Variants in ALK observed in about 807,000 individuals in gnomAD.
The protein encoded by ALK is ALK tyrosine kinase receptor.
ALK carries 74 observed loss-of-function variants against 163.1 expected under a neutral mutation model. The observed-to-expected ratio is 0.45, with a 90% CI of 0.38 to 0.55. ALK has a LOEUF of 0.55. Ranked by LOEUF, ALK falls within the 20% of genes least tolerant of loss-of-function variation. The probability of loss-of-function intolerance (pLI) is 0.00; values close to 1 mark genes in which losing one functional copy is unlikely to be tolerated. For missense variants in ALK, 2,063 were observed against 2,105.3 expected (o/e 0.98, Z 0.39); for synonymous variants, 960 against 843.2 (o/e 1.14, Z -2.40).
intron 4 of ALK, among the ~76,000 whole-genome samples, chr2:29,421,627 C>A (rs115927117): frequency 0.012 from 1,840 of 151,528 alleles, 116 homozygotes; most frequent in African/African-American, 0.043. Flanking sequence ...CTCTGACTCC[C>A]TACTCCCACC....
intron 3 of ALK, among the ~76,000 whole-genome samples, chr2:29,566,126 C>T (rs1359194642): frequency 6.6e-6 from 1 of 152,148 alleles, no homozygotes; most frequent in Non-Finnish European, 1.5e-5. Context: ...CAGGGCCACC[C>T]ACCCAGGGTC....
chr2:29,332,184 A>G (rs1286643999), intron 5 of ALK, among the ~76,000 whole-genome samples: 1 of 148,366 alleles, frequency 6.7e-6, no homozygotes, highest in East Asian at 2.1e-4. Context: ...TACTTTGGAG[A>G]CTGAGGCAGG....
intron 3 of ALK, among the ~76,000 whole-genome samples, chr2:29,688,336 A>G (rs972079644): frequency 1.3e-5 from 2 of 152,224 alleles, no homozygotes; most frequent in African/African-American, 4.8e-5. Context: ...TTAGCAAACA[A>G]GGAAGTCTGA....
intron 1 of ALK, among the ~76,000 whole-genome samples, chr2:29,914,788 C>T (rs924372743): frequency 4.6e-5 from 7 of 152,162 alleles, no homozygotes; most frequent in African/African-American, 1.7e-4. Flanking sequence ...ATTGACATGT[C>T]TTGCTCTTTG....
intron 4 of ALK, among the ~76,000 whole-genome samples, chr2:29,428,933 T>C (rs553441560): frequency 6.6e-6 from 1 of 152,142 alleles, no homozygotes; most frequent in South Asian, 2.1e-4. Context: ...TAGGCTTTAT[T>C]ACAAGATTGA....
chr2:29,502,426 T>C (rs1672211993), intron 4 of ALK, among the ~76,000 whole-genome samples: 1 of 152,202 alleles, frequency 6.6e-6, no homozygotes, highest in South Asian at 2.1e-4. Flanking sequence ...TCTTGAAGTT[T>C]CATCCCCAGA....
intron 4 of ALK, among the ~76,000 whole-genome samples, chr2:29,508,839 C>A (rs1449381795): frequency 6.7e-6 from 1 of 150,212 alleles, no homozygotes; most frequent in Non-Finnish European, 1.5e-5. Flanking sequence ...TTCACAGGCA[C>A]AACAAATGCT....
At chr2:29,526,202 A>C (rs913410848) in intron 4 of ALK, among the ~76,000 whole-genome samples, 1 of 152,166 alleles carries the variant, frequency 6.6e-6, no homozygotes, top group Non-Finnish European at 1.5e-5. Context: ...TTGTTGATCT[A>C]ATTTAAACCC....
At chr2:29,220,574 C>G (rs1669773273) in intron 23 of ALK, 132 bp downstream of exon 23, 7 of 1,281,978 alleles carry the variant, frequency 5.5e-6, no homozygotes, top group Middle Eastern at 2.7e-4. Context: ...CAGTCACCCC[C>G]CTGTCCAAGC....
At chr2:29,649,098 A>G (rs1676965498) in intron 3 of ALK, among the ~76,000 whole-genome samples, 1 of 151,906 alleles carries the variant, frequency 6.6e-6, no homozygotes, top group Non-Finnish European at 1.5e-5. Context: ...TTTATTTTCT[A>G]TTACTCTGAA....
At chr2:29,818,754 G>A (rs577193922) in intron 1 of ALK, among the ~76,000 whole-genome samples, 3 of 152,384 alleles carry the variant, frequency 2.0e-5, no homozygotes, top group African/African-American at 7.2e-5. Flanking sequence ...GACTGGTCAG[G>A]TTCTGGATTG....
chr2:29,431,929 C>T (rs1475218371), intron 4 of ALK, among the ~76,000 whole-genome samples: 2 of 151,836 alleles, frequency 1.3e-5, no homozygotes, highest in Admixed American at 6.6e-5. Flanking sequence ...TATCCTGTCC[C>T]GTCCCGTCCC....
chr2:29,566,745 A>G (rs1389106032), intron 3 of ALK, among the ~76,000 whole-genome samples: 1 of 152,232 alleles, frequency 6.6e-6, no homozygotes, highest in African/African-American at 2.4e-5. Flanking sequence ...GAAACAGCTT[A>G]AAAAGGAGAA....
At chr2:29,751,913 A>G (rs1680376163) in intron 1 of ALK, among the ~76,000 whole-genome samples, 1 of 151,962 alleles carries the variant, frequency 6.6e-6, no homozygotes, top group African/African-American at 2.4e-5. Flanking sequence ...TAAAACAACA[A>G]TGATGATAAT....
At chr2:29,536,671 A>G (rs1673264878) in intron 3 of ALK, among the ~76,000 whole-genome samples, 1 of 152,204 alleles carries the variant, frequency 6.6e-6, no homozygotes, top group Non-Finnish European at 1.5e-5. Flanking sequence ...GGTTGGAGGA[A>G]TTTGGGCGGG....
At chr2:29,610,120 G>A (rs368643079) in intron 3 of ALK, among the ~76,000 whole-genome samples, 4 of 152,194 alleles carry the variant, frequency 2.6e-5, no homozygotes, top group African/African-American at 9.7e-5. Context: ...GTCCATTCAT[G>A]TTGGATATAA....
chr2:29,231,550 A>G (rs1056431674), intron 15 of ALK, among the ~76,000 whole-genome samples: 4 of 152,112 alleles, frequency 2.6e-5, no homozygotes, highest in African/African-American at 9.7e-5. Context: ...CGGTGCTGCA[A>G]ACGTCACTGG....
chr2:29,858,681 T>A (rs1041373450), intron 1 of ALK, among the ~76,000 whole-genome samples: 7 of 151,818 alleles, frequency 4.6e-5, no homozygotes, highest in African/African-American at 1.5e-4. Context: ...AGGTGGAGGA[T>A]GCAGTGAGCC....
intron 4 of ALK, among the ~76,000 whole-genome samples, chr2:29,447,171 C>G (rs1416815776): frequency 6.6e-6 from 1 of 152,142 alleles, no homozygotes; most frequent in East Asian, 1.9e-4. Flanking sequence ...GTCCAGATAC[C>G]TGATGGAGGC....
Sources: allele counts gnomAD v4.1 joint callset (sites outside exome capture counted in the v4.1 genomes callset), GRCh38; gene constraint gnomAD v4.1.1; transcripts MANE v1.5; gene names NCBI Gene and HGNC (gene_info 2026-07-23, HGNC 2026-07-21).